The following BICRAL variants were observed in gnomAD, a reference collection of about 807,000 sequenced individuals.
The protein encoded by BICRAL is BICRA like chromatin remodeling complex associated protein.
In BICRAL, 8 loss-of-function variants were observed where a neutral mutation model predicts 91.8. The observed-to-expected ratio is 0.09, with a 90% CI of 0.05 to 0.16. The LOEUF (loss-of-function observed/expected upper bound fraction) is 0.16, where lower values mean the gene tolerates loss of function less well. Among genes scored for constraint, BICRAL ranks in the 10% least tolerant of loss-of-function variants. The pLI is 1.00. For synonymous variants in BICRAL, 445 were observed against 491.1 expected (o/e 0.91, Z 1.24); for missense variants, 1,038 against 1,310.9 (o/e 0.79, Z 3.21).
chr6:42,838,162 C>G (rs1185942484), intron 6 of BICRAL, among the ~76,000 whole-genome samples: 1 of 152,166 alleles, frequency 6.6e-6, no homozygotes, highest in Non-Finnish European at 1.5e-5. Context: ...GAACAAGGAC[C>G]TTTTAATATA....
intron 1 of BICRAL, among the ~76,000 whole-genome samples, chr6:42,785,126 G>A (rs540158273): frequency 2.2e-4 from 34 of 152,180 alleles, no homozygotes; most frequent in African/African-American, 8.2e-4. Flanking sequence ...AGAGAAAAAG[G>A]TTTAGGTATC....
At chr6:42,823,688 C>T (rs990429630) in intron 5 of BICRAL, among the ~76,000 whole-genome samples, 10 of 152,018 alleles carry the variant, frequency 6.6e-5, no homozygotes, top group African/African-American at 1.9e-4. Context: ...CTTTGGGAGG[C>T]CGAGGCAGGT....
intron 1 of BICRAL, among the ~76,000 whole-genome samples, chr6:42,798,306 A>G (rs1390195907): frequency 6.6e-6 from 1 of 152,166 alleles, no homozygotes; most frequent in Non-Finnish European, 1.5e-5. Flanking sequence ...ATACCCATGT[A>G]ACAAATATGC....
intron 1 of BICRAL, among the ~76,000 whole-genome samples, chr6:42,756,186 A>T (rs1218569812): frequency 6.6e-6 from 1 of 152,114 alleles, no homozygotes; most frequent in Non-Finnish European, 1.5e-5. Flanking sequence ...TTAGCCACTT[A>T]TCCGACTTCT....
intron 1 of BICRAL, among the ~76,000 whole-genome samples, chr6:42,774,346 G>C (rs1762781525): frequency 6.6e-6 from 1 of 152,188 alleles, no homozygotes. Flanking sequence ...AAAGGTGGGT[G>C]TTACAAACAT....
intron 1 of BICRAL, among the ~76,000 whole-genome samples, chr6:42,775,664 T>A (rs1762798475): frequency 3.3e-5 from 5 of 152,312 alleles, no homozygotes; most frequent in Admixed American, 2.6e-4. Flanking sequence ...ATGCTTTTTT[T>A]TTATTATTAA....
intron 6 of BICRAL, among the ~76,000 whole-genome samples, chr6:42,845,209 T>C (rs1262488788): frequency 2.5e-5 from 1 of 39,554 alleles, no homozygotes; most frequent in Non-Finnish European, 4.7e-5. Flanking sequence ...TTTTTTTTTT[T>C]TTTTTTTTTT....
rs111393871 is a variant in BICRAL at position 42,868,140 on chromosome 6, T to A, written c.*2694T>A. On this transcript the variant is annotated 3_prime_UTR_variant, in exon 13 of 13. Coordinates refer to ENST00000314073, the MANE Select transcript of BICRAL (RefSeq NM_001393499.1). ...TTAAGCATTTGATTTTCTGTGTCCTTAAGTACTTCCTGAAGATGAAGCAAA... is the reference window on the plus strand; with the variant it reads ...TTAAGCATTTGATTTTCTGTGTCCTAAAGTACTTCCTGAAGATGAAGCAAA... 4 of 152,124 alleles carry A rather than the reference T, an allele frequency of 2.6e-5. No homozygotes were observed. The highest frequency in any genetic ancestry group is 4.4e-5 in the Non-Finnish European group (3 of 67,952). The allele number at this position is 152,124 out of a possible 1,614,324, so 9.4% of individuals were successfully genotyped here. A position where few individuals can be genotyped will look rare whatever the true frequency, so the allele number is the denominator to read the frequency against.
chr6:42,824,678 G>C (rs1404452530), intron 5 of BICRAL, among the ~76,000 whole-genome samples: 1 of 152,182 alleles, frequency 6.6e-6, no homozygotes, highest in Non-Finnish European at 1.5e-5. Flanking sequence ...ACTCATATTA[G>C]AATGTTTTGA....
intron 1 of BICRAL, among the ~76,000 whole-genome samples, chr6:42,804,002 GTTA>G (rs1014516242): frequency 2.0e-5 from 3 of 152,066 alleles, no homozygotes; most frequent in South Asian, 2.1e-4. Context: ...ATAGTTTTTT[GTTA>G]TTGTTGTTGT....
intron 1 of BICRAL, among the ~76,000 whole-genome samples, chr6:42,774,219 T>C (rs1254394773): frequency 6.6e-6 from 1 of 152,164 alleles, no homozygotes; most frequent in Non-Finnish European, 1.5e-5. Context: ...TAGTTCAGCA[T>C]ATCAGGGTGC....
At position 42,853,655 on chromosome 6, in the gene BICRAL, A is replaced by G. The variant is rs780041149; in HGVS notation, c.1963A>G (p.Lys655Glu). 12 of 1,613,602 alleles carry G rather than the reference A, an allele frequency of 7.4e-6. No homozygotes were observed. The Admixed American group carries it at 1.8e-4, about 25-fold the overall frequency. Residue 655 changes from lysine to glutamate, a missense_variant, in exon 8 of 13, where the codon AAA becomes GAA. Coordinates refer to ENST00000314073, the MANE Select transcript of BICRAL (RefSeq NM_001393499.1). ...TCTAATAGGGCAGGATTCTGGAAGC[A>G]AAGTTATATCCGCATCCTTAGGAAC... ...TTLPGQDSGSKVISASLGTAQ... is the reference protein window; with the variant it reads ...TTLPGQDSGSEVISASLGTAQ...
At chr6:42,847,540 G>A (rs1765050690) in intron 6 of BICRAL, among the ~76,000 whole-genome samples, 1 of 152,100 alleles carries the variant, frequency 6.6e-6, no homozygotes, top group African/African-American at 2.4e-5. Flanking sequence ...CACTTTGGGA[G>A]GCTGAGGTAG....
intron 6 of BICRAL, among the ~76,000 whole-genome samples, chr6:42,845,828 C>T (rs1264483338): frequency 6.6e-6 from 1 of 151,482 alleles, no homozygotes; most frequent in Non-Finnish European, 1.5e-5. Context: ...CTTTGGGAGG[C>T]CGAGGTGGGT....
At chr6:42,810,480 T>C (rs1763819828) in intron 2 of BICRAL, 79 bp downstream of exon 2, 1 of 152,174 alleles carries the variant, frequency 6.6e-6, no homozygotes, top group Non-Finnish European at 1.5e-5. Flanking sequence ...AGGTGAAGTC[T>C]TGCAATTTCA....
chr6:42,829,761 G>A lies in BICRAL; in HGVS notation c.1428G>A (p.Gln476=). The A allele has an allele frequency of 6.2e-7, 1 of 1,614,180 alleles. No individual in the cohort carries two copies. Among genetic ancestry groups the A allele is most frequent in the Non-Finnish European group, 8.5e-7 (1 of 1,180,024 alleles). ...QNTAVHLVSG[Q]TFAASGSPVI... ...CTGCTGTCCACTTAGTGTCTGGGCAGACATTTGCTGCCTCTGGAAGTCCAG... is the reference window on the plus strand; with the variant it reads ...CTGCTGTCCACTTAGTGTCTGGGCAAACATTTGCTGCCTCTGGAAGTCCAG... Residue 476 remains glutamine (Q), a synonymous_variant, in exon 6 of 13, where the codon CAG becomes CAA. Coordinates refer to ENST00000314073, the MANE Select transcript of BICRAL (RefSeq NM_001393499.1).
At chr6:42,750,876 C>A (rs1431533939) in intron 1 of BICRAL, among the ~76,000 whole-genome samples, 18 of 109,576 alleles carry the variant, frequency 1.6e-4, no homozygotes, top group African/African-American at 6.0e-4. Flanking sequence ...CCGCGCCCGG[C>A]CTTTTTTTTT....
chr6:42,814,519 ATTTTTTTTTT>A (rs70990145), intron 2 of BICRAL, among the ~76,000 whole-genome samples: 11 of 80,214 alleles, frequency 1.4e-4, no homozygotes, highest in African/African-American at 6.6e-4. Flanking sequence ...ATATATATAT[ATTTTTTTTTT>A]TTTTTTTTTT....
intron 1 of BICRAL, among the ~76,000 whole-genome samples, chr6:42,807,093 A>G (rs1022719967): frequency 4.0e-5 from 6 of 151,888 alleles, no homozygotes; most frequent in Admixed American, 3.9e-4. Flanking sequence ...GGCCTCCCAA[A>G]GTGCTGGGCT....
Sources: allele counts gnomAD v4.1 joint callset (sites outside exome capture counted in the v4.1 genomes callset), GRCh38; gene constraint gnomAD v4.1.1; transcripts MANE v1.5; gene names NCBI Gene and HGNC (gene_info 2026-07-23, HGNC 2026-07-21).